FBXL14: variants seen among roughly 807,000 people sequenced by gnomAD.
FBXL14 encodes the protein F-box/LRR-repeat protein 14.
Under a neutral mutation model 24.5 loss-of-function variants are expected in FBXL14, and 11 were observed. The ratio of observed to expected loss-of-function variants is 0.45; its 90% confidence interval spans 0.28 to 0.74. The LOEUF is 0.74. Ranked by LOEUF, FBXL14 falls within the 30% of genes least tolerant of loss-of-function variation. The pLI is 0.12. For synonymous variants in FBXL14, 294 were observed against 240.4 expected (o/e 1.22, Z -2.06); for missense variants, 384 against 545.6 (o/e 0.70, Z 2.95).
In FBXL14 at chr12:1,593,014, G is replaced by T. The variant is rs1297698392; in HGVS notation, c.1053C>A (p.Ile351=). The T allele has an allele frequency of 1.9e-6, 3 of 1,612,326 alleles. No homozygotes were observed. The East Asian group carries it at 6.7e-5, about 36-fold the overall frequency. ...CGGTGAGTTGGCTCAGGTGCTCAGC[G>T]ATCAGCTCCAGGCCCTTGTCCGTGA... The part of the protein sequence containing the change: ...VRITDKGLEL[I]AEHLSQLTGI... Residue 351 remains isoleucine, a synonymous_variant, in exon 1 of 2, where the codon ATC becomes ATA. Transcript: ENST00000339235. The surrounding 1 kb of genome is among the most constrained non-coding windows in gnomAD (Gnocchi z 7.4).
intron 1 of FBXL14, 91 bp from the exon 2 acceptor site, chr12:1,566,901 G>A (rs2094437312): frequency 1.4e-6 from 1 of 711,344 alleles, no homozygotes; most frequent in African/African-American, 1.8e-5. Context: ...CCCCACCGCG[G>A]CTTTATCAGC....
intron 1 of FBXL14, among the ~76,000 whole-genome samples, chr12:1,590,410 T>C (rs1299511712): frequency 6.6e-6 from 1 of 152,196 alleles, no homozygotes; most frequent in African/African-American, 2.4e-5. Flanking sequence ...TATACTACTC[T>C]TATCAGCTCT....
In FBXL14 at chr12:1,569,101, C is replaced by T. The variant is rs1763531658; in HGVS notation, c.1195-2291G>A. On this transcript the variant is annotated intron_variant, in intron 1 of 1. Coordinates refer to ENST00000339235, the MANE Select transcript of FBXL14 (RefSeq NM_152441.3). This position sits in a 1 kb window ranked among gnomAD's most constrained non-coding sequence, Gnocchi z 4.2. The stretch of plus-strand genomic sequence containing the variant: ...TATAAAGAATATATTGAAGCTTTTA[C>T]AGAACAAAAAGGAAAAGCTGGTGCA... Among the ~76,000 whole-genome samples, 1 of 152,122 alleles carries T rather than the reference C, an allele frequency of 6.6e-6. No individual in the cohort carries two copies. Among genetic ancestry groups the T allele is most frequent in the South Asian group, 2.1e-4 (1 of 4,832 alleles).
intron 1 of FBXL14, among the ~76,000 whole-genome samples, chr12:1,583,503 CT>C (rs1352761234): frequency 1.3e-5 from 2 of 152,184 alleles, no homozygotes; most frequent in Non-Finnish European, 2.9e-5. Flanking sequence ...TCAATTTCAT[CT>C]TTTCCAGGAA....
At chr12:1,585,028 TAGC>T (rs1378202250) in intron 1 of FBXL14, among the ~76,000 whole-genome samples, 4 of 152,230 alleles carry the variant, frequency 2.6e-5, no homozygotes, top group African/African-American at 9.6e-5. Context: ...TTCTCAGAAA[TAGC>T]AGGACTAATT....
chr12:1,591,798 G>C (rs933694518), intron 1 of FBXL14, among the ~76,000 whole-genome samples: 1 of 152,176 alleles, frequency 6.6e-6, no homozygotes, highest in Non-Finnish European at 1.5e-5. Context: ...GCCGCACTGT[G>C]TGACCTTTTT....
At position 1,566,739 on chromosome 12, in the gene FBXL14, C is replaced by T. The variant is rs772677759; in HGVS notation, c.*9G>A. 2 of 780,904 alleles carry T rather than the reference C, an allele frequency of 2.6e-6. No individual in the cohort carries two copies. The highest frequency in any genetic ancestry group is 2.7e-5 in the South Asian group (2 of 74,566). The allele number at this position is 780,904 out of a possible 1,614,324, so 48.4% of individuals were successfully genotyped here. ...GATCCACGGGAACCATGTCGTTGTC[C>T]CCTCTCCCTCACCTTCTGGAGCTTC... On this transcript the variant is annotated 3_prime_UTR_variant, in exon 2 of 2. Transcript: ENST00000339235.
intron 1 of FBXL14, among the ~76,000 whole-genome samples, chr12:1,575,620 C>G (rs1305880854): frequency 1.3e-5 from 2 of 152,198 alleles, no homozygotes; most frequent in Admixed American, 1.3e-4. Context: ...TCGGCCCTCT[C>G]CAGCTCCAAG....
chr12:1,583,457 T>C (rs2094470727), intron 1 of FBXL14, among the ~76,000 whole-genome samples: 1 of 152,200 alleles, frequency 6.6e-6, no homozygotes, highest in African/African-American at 2.4e-5. Context: ...AAATAACACC[T>C]GGCTCTGGGG....
rs1346016666 is a variant in FBXL14, at chr12:1,567,826, G to A, written c.1195-1016C>T. Among the ~76,000 whole-genome samples the A allele has an allele frequency of 6.6e-6, 1 of 152,216 alleles. No individual in the cohort carries two copies. The highest frequency in any genetic ancestry group is 1.5e-5 in the Non-Finnish European group (1 of 68,036). The stretch of plus-strand genomic sequence containing the variant: ...TGAGGAGAGGATCTCTGAGCATAAG[G>A]TTATCTCAATAGAAACCTCCACATG... On this transcript the variant is annotated intron_variant, in intron 1 of 1. Coordinates refer to ENST00000339235, the MANE Select transcript of FBXL14 (RefSeq NM_152441.3). The surrounding 1 kb of genome is among the most constrained non-coding windows in gnomAD (Gnocchi z 4.8).
At chr12:1,570,932 A>G (rs2094444388) in intron 1 of FBXL14, among the ~76,000 whole-genome samples, 1 of 152,066 alleles carries the variant, frequency 6.6e-6, no homozygotes, top group African/African-American at 2.4e-5. Flanking sequence ...AGCTCCATCT[A>G]CCCTTGTCTG....
chr12:1,570,271 C>T (rs546002160), intron 1 of FBXL14, among the ~76,000 whole-genome samples: 3 of 152,304 alleles, frequency 2.0e-5, no homozygotes, highest in South Asian at 2.1e-4. Flanking sequence ...GTTATCACAC[C>T]GGTGATGGAC....
At chr12:1,587,538 T>A (rs1246081728) in intron 1 of FBXL14, 1 of 152,184 alleles carries the variant, frequency 6.6e-6, no homozygotes, top group East Asian at 1.9e-4. Context: ...GAGCAATCCC[T>A]GGAAAAGAGG....
chr12:1,588,944 A>C (rs960818743), intron 1 of FBXL14, among the ~76,000 whole-genome samples: 3 of 151,768 alleles, frequency 2.0e-5, no homozygotes, highest in Non-Finnish European at 4.4e-5. Context: ...AGTCACCCCT[A>C]TTCCCTTTGA....
rs1316958977 is a variant in FBXL14, at chr12:1,594,186, G to C, written c.-120C>G. 6.7e-4 allele frequency: 239 copies of C among 359,030 alleles called. No individual in the cohort carries two copies. The highest frequency in any genetic ancestry group is 1.9e-3 in the East Asian group (23 of 11,860). 22.2% of individuals were successfully genotyped at this position (359,030 alleles called of 1,614,324 possible). On this transcript the variant is annotated 5_prime_UTR_variant, in exon 1 of 2. Coordinates refer to ENST00000339235, the MANE Select transcript of FBXL14 (RefSeq NM_152441.3). ...CCGCCGCCGCCGCCGCCGCCGCCTC[G>C]GGCCCAACGGCCGGCCCCTCCCCGC...
At chr12:1,578,933 C>G (rs1273441354) in intron 1 of FBXL14, among the ~76,000 whole-genome samples, 3 of 152,058 alleles carry the variant, frequency 2.0e-5, no homozygotes, top group Admixed American at 1.3e-4. Flanking sequence ...TCTAGAGGTG[C>G]TCGTCTTCAT....
chr12:1,571,362 C>T (rs996545968), intron 1 of FBXL14, among the ~76,000 whole-genome samples: 1 of 152,186 alleles, frequency 6.6e-6, no homozygotes, highest in African/African-American at 2.4e-5. Context: ...GCATGCGCCA[C>T]CACACCCGGC....
At chr12:1,587,284 A>C (rs1413065938) in intron 1 of FBXL14, 1 of 152,060 alleles carries the variant, frequency 6.6e-6, no homozygotes, top group East Asian at 1.9e-4. Flanking sequence ...AAGAGTAATG[A>C]AATAATAGAA....
At chr12:1,577,187 G>C (rs560958440) in intron 1 of FBXL14, among the ~76,000 whole-genome samples, 3 of 152,328 alleles carry the variant, frequency 2.0e-5, no homozygotes. Context: ...GCCCTCTGGG[G>C]GCCTGCCCTG....
Sources: allele counts gnomAD v4.1 joint callset (sites outside exome capture counted in the v4.1 genomes callset), GRCh38; gene constraint gnomAD v4.1.1; non-coding constraint Gnocchi (gnomAD v3.1); transcripts MANE v1.5; gene names NCBI Gene and HGNC (gene_info 2026-07-23, HGNC 2026-07-21).